Variants in EML6 observed in about 807,000 individuals in gnomAD.
EML6 encodes the protein echinoderm microtubule-associated protein-like 6.
EML6 carries 154 observed loss-of-function variants against 240.1 expected under a neutral mutation model. The observed-to-expected ratio is 0.64, with a 90% CI of 0.56 to 0.73. The LOEUF is 0.73. Among genes scored for constraint, EML6 ranks in the 30% least tolerant of loss-of-function variants. The pLI, the probability that EML6 is intolerant of heterozygous loss-of-function variation, is 0.00. For missense variants in EML6, 2,964 were observed against 2,474.6 expected (o/e 1.20, Z -4.20); for synonymous variants, 1,148 against 899.0 (o/e 1.28, Z -4.95).
At chr2:54,794,662 G>C (rs1425623947) in intron 2 of EML6, among the ~76,000 whole-genome samples, 2 of 152,150 alleles carry the variant, frequency 1.3e-5, no homozygotes, top group East Asian at 3.8e-4. Flanking sequence ...CCTTTCAGTG[G>C]AGTAAAGGCT....
At chr2:54,924,359 C>G (rs996189905) in intron 26 of EML6, among the ~76,000 whole-genome samples, 16 of 127,508 alleles carry the variant, frequency 1.3e-4, no homozygotes, top group African/African-American at 4.8e-4. Flanking sequence ...GGATGCTGAG[C>G]ACTTTGTCAT....
chr2:54,926,948 T>C (rs895723696), intron 26 of EML6, among the ~76,000 whole-genome samples: 1 of 152,208 alleles, frequency 6.6e-6, no homozygotes, highest in Non-Finnish European at 1.5e-5. Flanking sequence ...CTTTTACTTC[T>C]GTAAAGAAAC....
intron 5 of EML6, among the ~76,000 whole-genome samples, chr2:54,822,852 G>A (rs904941149): frequency 6.6e-6 from 1 of 151,938 alleles, no homozygotes. Flanking sequence ...TAAAAATGGA[G>A]AACAAAAATT....
At chr2:54,791,663 A>G (rs1235112593) in intron 2 of EML6, among the ~76,000 whole-genome samples, 1 of 152,144 alleles carries the variant, frequency 6.6e-6, no homozygotes, top group Non-Finnish European at 1.5e-5. Context: ...CTCTGGGTAA[A>G]CACTATAACT....
Position 54,760,822 on chromosome 2 carries a change from A to ATTTTTTT in EML6, c.197+35581_197+35587dup, listed in dbSNP as rs200476039. On this transcript the variant is annotated intron_variant, in intron 2 of 41. Coordinates refer to ENST00000356458, the MANE Select transcript of EML6 (RefSeq NM_001039753.4). ...CCCATTGCTTTGAAGTTGAGGGAGC[A>ATTTTTTT]TTTTTTTTTTTTTTTTTTTTTTTAC... Among the ~76,000 whole-genome samples the ATTTTTTT allele has an allele frequency of 4.8e-4, 58 of 120,398 alleles. 2 individuals are homozygous for ATTTTTTT. The highest frequency in any genetic ancestry group is 1.4e-3 in the African/African-American group (42 of 30,448). The allele number at this position is 120,398 out of a possible 152,430, so 79.0% of individuals were successfully genotyped here.
chr2:54,876,478 C>A (rs544440468), intron 16 of EML6, among the ~76,000 whole-genome samples: 1 of 152,122 alleles, frequency 6.6e-6, no homozygotes, highest in Admixed American at 6.6e-5. Flanking sequence ...TGCAGAAATT[C>A]TCCTAAAATA....
At chr2:54,828,820 T>G (rs1668722396) in intron 6 of EML6, among the ~76,000 whole-genome samples, 1 of 152,272 alleles carries the variant, frequency 6.6e-6, no homozygotes. Context: ...TGTGAAAATC[T>G]TCAAACGATG....
chr2:54,853,782 CA>C lies in EML6; in HGVS notation c.1586del (p.Asn529ThrfsTer51), dbSNP rs1670222329. 1 of 1,551,502 alleles carries C rather than the reference CA, an allele frequency of 6.4e-7. No homozygotes were observed. The highest frequency in any genetic ancestry group is 1.4e-5 in the African/African-American group (1 of 73,030). On this transcript the variant is annotated frameshift_variant, in exon 11 of 42. Transcript: ENST00000356458. LOFTEE classifies it high-confidence loss of function. ...ACATCAACTCAGTGGATGCGAATTA[CA>C]ACAGCTCAGTGCTGGTGTCTGGAGA... ...TDINSVDANY[N>X]SSVLVSGDDF...
chr2:54,809,375 C>T (rs542970409), intron 2 of EML6, among the ~76,000 whole-genome samples: 14 of 152,140 alleles, frequency 9.2e-5, no homozygotes, highest in Non-Finnish European at 1.3e-4. Context: ...CTGTGACTTG[C>T]GCTATGGGAG....
intron 37 of EML6, 53 bp from the exon 38 acceptor site, chr2:54,964,518 C>G (rs1039915036): frequency 6.6e-7 from 1 of 1,524,640 alleles, no homozygotes; most frequent in African/African-American, 1.4e-5. Context: ...TCGTGCCTGA[C>G]CAGCCCCAAA....
intron 2 of EML6, among the ~76,000 whole-genome samples, chr2:54,760,680 G>C (rs989140154): frequency 6.6e-6 from 1 of 152,114 alleles, no homozygotes; most frequent in East Asian, 1.9e-4. Context: ...CTTATATGAA[G>C]AAGTAAGTTT....
At chr2:54,932,417 C>T (rs902178436) in intron 28 of EML6, among the ~76,000 whole-genome samples, 1 of 152,210 alleles carries the variant, frequency 6.6e-6, no homozygotes, top group African/African-American at 2.4e-5. Context: ...CTACCCCACG[C>T]TGCCCTCCTT....
intron 28 of EML6, among the ~76,000 whole-genome samples, chr2:54,938,070 G>T (rs1475772637): frequency 6.6e-6 from 1 of 152,268 alleles, no homozygotes; most frequent in Non-Finnish European, 1.5e-5. Context: ...GTGGGGCCAG[G>T]TGCTGTGGCT....
At chr2:54,726,214 G>A (rs1305916752) in intron 2 of EML6, among the ~76,000 whole-genome samples, 1 of 152,198 alleles carries the variant, frequency 6.6e-6, no homozygotes. Context: ...GCTGAGGATG[G>A]ACTACAACTG....
At chr2:54,963,920 G>C (rs1573227123) in intron 36 of EML6, 66 bp from the exon 37 acceptor site, 1 of 1,448,854 alleles carries the variant, frequency 6.9e-7, no homozygotes, top group Non-Finnish European at 9.2e-7. Flanking sequence ...GCCTGGTGCA[G>C]AATGTCTCCT....
chr2:54,820,827 T>C (rs1385869787), intron 5 of EML6, among the ~76,000 whole-genome samples: 3 of 152,218 alleles, frequency 2.0e-5, no homozygotes, highest in African/African-American at 7.2e-5. Context: ...TATTTGCATG[T>C]CAACACTTTG....
rs965828512 is a variant in EML6, at chr2:54,950,809, T to C, written c.4213+30T>C. ...CCGGGGGTTAAAAAATACAGGTTTT[T>C]CTTTTAGCTGTTTTTTACATGCTTT... On this transcript the variant is annotated intron_variant, in intron 30 of 41. Coordinates refer to ENST00000356458, the MANE Select transcript of EML6 (RefSeq NM_001039753.4). 9 of 1,541,036 alleles carry C rather than the reference T, an allele frequency of 5.8e-6. No homozygotes were observed. In the African/African-American group the frequency reaches 1.1e-4, roughly 19 times the overall value.
chr2:54,798,168 GTTTATTTA>G (rs1292411015), intron 2 of EML6, among the ~76,000 whole-genome samples: 1 of 151,972 alleles, frequency 6.6e-6, no homozygotes, highest in African/African-American at 2.4e-5. Context: ...GTATTTTATA[GTTTATTTA>G]TTTATTTATT....
Position 54,899,751 on chromosome 2 carries a change from C to T in EML6, c.3093C>T (p.His1031=), listed in dbSNP as rs1194194205. 5.8e-6 allele frequency: 9 copies of T among 1,551,594 alleles called. No homozygotes were observed. The African/African-American group carries it at 6.8e-5, about 12-fold the overall frequency. Residue 1031 remains histidine (H), a synonymous_variant, in exon 22 of 42, where the codon CAC becomes CAT. Transcript: ENST00000356458. The stretch of plus-strand genomic sequence containing the variant: ...GCATCTGGGAACTATCTGCCCAGCA[C>T]CGTATGCTGGCAGTACGGAAACTCA... ...TLRIWELSAQ[H]RMLAVRKLKK...
Sources: allele counts gnomAD v4.1 joint callset (sites outside exome capture counted in the v4.1 genomes callset), GRCh38; gene constraint gnomAD v4.1.1; transcripts MANE v1.5; gene names NCBI Gene and HGNC (gene_info 2026-07-23, HGNC 2026-07-21).